TTC12: variants seen among roughly 807,000 people sequenced by gnomAD.
TTC12 encodes tetratricopeptide repeat domain 12.
TTC12 carries 70 observed loss-of-function variants against 90.1 expected under a neutral mutation model. The ratio of observed to expected loss-of-function variants is 0.78; its 90% CI spans 0.64 to 0.95. The LOEUF is 0.95. TTC12 is among the 40% of genes least tolerant of loss of function. TTC12 has a pLI of 0.00. For synonymous variants in TTC12, 296 were observed against 311.5 expected (o/e 0.95, Z 0.53); for missense variants, 819 against 846.1 (o/e 0.97, Z 0.40).
rs1565629335 is a variant in TTC12 at position 113,362,473 on chromosome 11, G to A, written c.1687G>A (p.Val563Met). 1.9e-6 allele frequency: 3 copies of A among 1,613,750 alleles called. No individual in the cohort carries two copies. Among genetic ancestry groups the A allele is most frequent in the East Asian group, 4.5e-5 (2 of 44,876 alleles). ...KIVEEALRAGVVKKMMKFLKT... is the reference protein window; with the variant it reads ...KIVEEALRAGMVKKMMKFLKT... ...TGTTGAGGAGGCCTTGCGAGCAGGA[G>A]TGGTAAAGAAAATGATGAAATTCCT... Residue 563 changes from valine (V) to methionine (M), a missense_variant, in exon 19 of 22, where the codon GTG becomes ATG. By Grantham distance (21) the Val-to-Met change is conservative. Transcript: ENST00000529221.
At chr11:113,363,514 G>T (rs1950047766) in intron 19 of TTC12, among the ~76,000 whole-genome samples, 1 of 152,120 alleles carries the variant, frequency 6.6e-6, no homozygotes, top group African/African-American at 2.4e-5. Context: ...TCCCTTTTTG[G>T]TAGATCTGCC....
intron 17 of TTC12, 105 bp from the exon 18 acceptor site, chr11:113,359,835 A>T: frequency 1.2e-6 from 1 of 803,344 alleles, no homozygotes; most frequent in Non-Finnish European, 2.0e-6. Flanking sequence ...ACCTGGGCAT[A>T]GTGTGGTGGT....
chr11:113,318,919 C>T lies in TTC12; in HGVS notation c.58+2604C>T, dbSNP rs377206431. On this transcript the variant is annotated intron_variant, in intron 2 of 21. Transcript: ENST00000529221. Reference sequence around the variant, plus strand: ...ACCATGGTAAGGAATTTGTGTTTACCGAGAGCAGTAAATCAATTCCATCTA... The same window carrying T: ...ACCATGGTAAGGAATTTGTGTTTACTGAGAGCAGTAAATCAATTCCATCTA... Among the ~76,000 whole-genome samples the T allele has an allele frequency of 5.9e-4, 89 of 152,052 alleles. No individual in the cohort carries two copies. The South Asian group carries it at 0.016, about 27-fold the overall frequency.
In TTC12 at chr11:113,330,045, T is replaced by C. The variant is rs111529558; in HGVS notation, c.504+66T>C. On this transcript the variant is annotated intron_variant, in intron 7 of 21. Transcript: ENST00000529221. Reference sequence around the variant, plus strand: ...GAAGTAGATAGAAGGCAGCTGCCAGTGTATCAAGATAGGAAAGGGTATAGC... The same window carrying C: ...GAAGTAGATAGAAGGCAGCTGCCAGCGTATCAAGATAGGAAAGGGTATAGC... 31 of 1,271,254 alleles carry C rather than the reference T, an allele frequency of 2.4e-5. No individual in the cohort carries two copies. In the African/African-American group the frequency reaches 2.9e-4, roughly 12 times the overall value. 78.7% of individuals were successfully genotyped at this position (1,271,254 alleles called of 1,614,324 possible).
chr11:113,327,052 G>A (rs1230483025), intron 6 of TTC12, among the ~76,000 whole-genome samples: 2 of 152,122 alleles, frequency 1.3e-5, no homozygotes, highest in South Asian at 2.1e-4. Flanking sequence ...TTATTCAGTT[G>A]TGTTACTCTG....
At chr11:113,364,257 G>A (rs1950090200) in intron 20 of TTC12, 1 of 268,982 alleles carries the variant, frequency 3.7e-6, no homozygotes, top group Admixed American at 5.0e-5. Context: ...AACGTTTAGT[G>A]AACAAGGGAA....
Position 113,338,761 on chromosome 11 carries a change from T to C in TTC12, c.577-13T>C, listed in dbSNP as rs1591561701. ...CCCCAACCACTCTTCAAGGTCTTGTTTCTTTTTTCCAGTCTAGAGAGTGTT... is the reference window on the plus strand; with the variant it reads ...CCCCAACCACTCTTCAAGGTCTTGTCTCTTTTTTCCAGTCTAGAGAGTGTT... On this transcript the variant is annotated splice_polypyrimidine_tract_variant and intron_variant, in intron 8 of 21. Transcript: ENST00000529221. The C allele has an allele frequency of 6.2e-7, 1 of 1,611,676 alleles. No individual in the cohort carries two copies. The highest frequency in any genetic ancestry group is 8.5e-7 in the Non-Finnish European group (1 of 1,177,900).
At chr11:113,373,126 G>A (rs1305926132) in exon 22 of TTC12, 8 of 879,232 alleles carry the variant, frequency 9.1e-6, no homozygotes, top group Non-Finnish European at 1.1e-5. Flanking sequence ...CTTTACAGAT[G>A]AGGAAACTGA....
At chr11:113,333,635 G>A (rs1420958230) in intron 7 of TTC12, among the ~76,000 whole-genome samples, 2 of 152,052 alleles carry the variant, frequency 1.3e-5, no homozygotes, top group Non-Finnish European at 2.9e-5. Context: ...TCATAGAGTT[G>A]TTATAAAGCT....
chr11:113,342,467 C>T (rs569050310), intron 12 of TTC12, among the ~76,000 whole-genome samples: 1 of 152,266 alleles, frequency 6.6e-6, no homozygotes, highest in African/African-American at 2.4e-5. Context: ...GTAACTTCAA[C>T]ATAAATACAA....
rs1555135572 is a variant in TTC12, at chr11:113,316,319, A to T, written c.58+4A>T. 13 of 1,375,544 alleles carry T rather than the reference A, an allele frequency of 9.5e-6. No homozygotes were observed. The highest frequency in any genetic ancestry group is 1.3e-5 in the Non-Finnish European group (13 of 1,029,206). The allele number at this position is 1,375,544 out of a possible 1,614,324, so 85.2% of individuals were successfully genotyped here. A position where few individuals can be genotyped will look rare whatever the true frequency, so the allele number is the denominator to read the frequency against. ...CTTAAAAATGTGGATGAAATCTGTA[A>T]GTACTAGTAAATCATAAATTAATTT... On this transcript the variant is annotated splice_donor_region_variant and intron_variant, in intron 2 of 21. Transcript: ENST00000529221.
intron 4 of TTC12, 88 bp downstream of exon 4, chr11:113,324,103 C>T (rs1331313180): frequency 9.2e-6 from 10 of 1,082,090 alleles, no homozygotes; most frequent in Non-Finnish European, 1.4e-5. Context: ...TAAATTATTG[C>T]CTTTGAGCTT....
rs1215398619 is a variant in TTC12, at chr11:113,330,048, A to G, written c.504+69A>G. ...GTAGATAGAAGGCAGCTGCCAGTGT[A>G]TCAAGATAGGAAAGGGTATAGCCTC... On this transcript the variant is annotated intron_variant, in intron 7 of 21. Coordinates refer to ENST00000529221, the MANE Select transcript of TTC12 (RefSeq NM_017868.4). 8.9e-6 allele frequency: 11 copies of G among 1,242,762 alleles called. No homozygotes were observed. The African/African-American group carries it at 8.9e-5, about 10-fold the overall frequency. 77.0% of individuals were successfully genotyped at this position (1,242,762 alleles called of 1,614,324 possible). A position where few individuals can be genotyped will look rare whatever the true frequency, so the allele number is the denominator to read the frequency against.
intron 16 of TTC12, among the ~76,000 whole-genome samples, chr11:113,356,770 T>C (rs1949658808): frequency 6.6e-6 from 1 of 152,206 alleles, no homozygotes; most frequent in South Asian, 2.1e-4. Context: ...CTCTTCTGGG[T>C]TGTAGAGTTT....
In TTC12 at chr11:113,316,319, A is replaced by C; in HGVS notation, c.58+4A>C. The C allele has an allele frequency of 7.3e-7, 1 of 1,375,662 alleles. No homozygotes were observed. 85.2% of individuals were successfully genotyped at this position (1,375,662 alleles called of 1,614,324 possible). ...CTTAAAAATGTGGATGAAATCTGTA[A>C]GTACTAGTAAATCATAAATTAATTT... On this transcript the variant is annotated splice_donor_region_variant and intron_variant, in intron 2 of 21. Transcript: ENST00000529221.
intron 5 of TTC12, among the ~76,000 whole-genome samples, chr11:113,325,082 G>C (rs189461595): frequency 6.6e-6 from 1 of 152,276 alleles, no homozygotes; most frequent in Admixed American, 6.5e-5. Flanking sequence ...GGAAAAGGAA[G>C]GGATGGGATT....
chr11:113,334,465 T>C (rs903532238), intron 7 of TTC12, among the ~76,000 whole-genome samples: 1 of 152,050 alleles, frequency 6.6e-6, no homozygotes, highest in Non-Finnish European at 1.5e-5. Context: ...CACTAAGATA[T>C]AATGGTAACC....
chr11:113,361,870 GA>G (rs1168741708), intron 18 of TTC12, among the ~76,000 whole-genome samples: 1 of 138,022 alleles, frequency 7.2e-6, no homozygotes, highest in Non-Finnish European at 1.6e-5. Context: ...GGAAACAGAA[GA>G]AAAAAATAGT....
chr11:113,370,787 GA>G (rs911689113), downstream of TTC12, among the ~76,000 whole-genome samples: 5 of 152,234 alleles, frequency 3.3e-5, no homozygotes, highest in African/African-American at 1.2e-4. Context: ...CAGCGGGTTG[GA>G]AGGAACTGCT....
Sources: allele counts gnomAD v4.1 joint callset (sites outside exome capture counted in the v4.1 genomes callset), GRCh38; gene constraint gnomAD v4.1.1; transcripts MANE v1.5; gene names NCBI Gene and HGNC (gene_info 2026-07-23, HGNC 2026-07-21).